Variants in NCKAP5 observed in about 807,000 individuals in gnomAD.
NCKAP5 encodes nck-associated protein 5.
Under a neutral mutation model 167.0 loss-of-function variants are expected in NCKAP5, and 92 were observed. The observed-to-expected ratio is 0.55, with a 90% CI of 0.47 to 0.66. NCKAP5 has a LOEUF of 0.66. Ranked by LOEUF, NCKAP5 falls within the 30% of genes least tolerant of loss-of-function variation. The probability of loss-of-function intolerance (pLI) is 0.00; values close to 1 mark genes in which losing one functional copy is unlikely to be tolerated. For missense variants in NCKAP5, 2,378 were observed against 2,315.0 expected, an observed-to-expected ratio of 1.03 and a Z score of -0.56; for synonymous variants, 891 against 877.4, an observed-to-expected ratio of 1.02 and a Z score of -0.27.
At chr2:133,588,573 G>A in the NCKAP5 span, among the ~76,000 whole-genome samples, 3 of 151,800 alleles carry the variant, frequency 2.0e-5, no homozygotes, top group South Asian at 2.1e-4. Context: ...TGGGAGCCAC[G>A]CACTCTTTAA....
At chr2:133,354,363 C>T (rs967773421) in intron 3 of NCKAP5, among the ~76,000 whole-genome samples, 1 of 151,082 alleles carries the variant, frequency 6.6e-6, no homozygotes, top group African/African-American at 2.4e-5. Flanking sequence ...CTCTAGCAAA[C>T]CTTCCACCTC....
chr2:133,272,928 C>T (rs555844470), intron 4 of NCKAP5, among the ~76,000 whole-genome samples: 1 of 152,212 alleles, frequency 6.6e-6, no homozygotes, highest in African/African-American at 2.4e-5. Context: ...CTTCATGCAC[C>T]ACATTTTATT....
At chr2:132,744,276 A>G (rs1679453521) in intron 16 of NCKAP5, among the ~76,000 whole-genome samples, 1 of 151,746 alleles carries the variant, frequency 6.6e-6, no homozygotes, top group Non-Finnish European at 1.5e-5. Context: ...ATCCTTCATT[A>G]TAAAAGAAGT....
chr2:133,574,307 G>A, the NCKAP5 span, among the ~76,000 whole-genome samples: 59 of 152,264 alleles, frequency 3.9e-4, no homozygotes, highest in Non-Finnish European at 7.6e-4. Flanking sequence ...AGACGACCAC[G>A]CTAGGATGTG....
At chr2:133,549,765 T>C (rs1185478055) in intron 2 of NCKAP5, among the ~76,000 whole-genome samples, 47 of 148,968 alleles carry the variant, frequency 3.2e-4, no homozygotes, top group African/African-American at 1.1e-3. Context: ...CTGAAGGAAA[T>C]AGAGACACAA....
At chr2:132,753,636 C>T (rs544013238) in intron 16 of NCKAP5, among the ~76,000 whole-genome samples, 2 of 152,336 alleles carry the variant, frequency 1.3e-5, no homozygotes, top group Non-Finnish European at 2.9e-5. Context: ...AAATGATGGA[C>T]ATCCTGGTTG....
At chr2:133,479,214 C>T (rs1269920453) in intron 3 of NCKAP5, among the ~76,000 whole-genome samples, 1 of 152,170 alleles carries the variant, frequency 6.6e-6, no homozygotes, top group Non-Finnish European at 1.5e-5. Flanking sequence ...TATAAGGCAT[C>T]ATGCCTGCAT....
chr2:133,124,146 G>A (rs1009730272), intron 6 of NCKAP5, among the ~76,000 whole-genome samples: 21 of 152,192 alleles, frequency 1.4e-4, no homozygotes, highest in Admixed American at 4.6e-4. Context: ...TGTGGATGAC[G>A]GTGCCAGGGG....
intron 3 of NCKAP5, among the ~76,000 whole-genome samples, chr2:133,411,026 A>G (rs1265187207): frequency 6.6e-6 from 1 of 152,190 alleles, no homozygotes; most frequent in African/African-American, 2.4e-5. Context: ...ATCAATATTG[A>G]GTCTCTTCTG....
chr2:132,710,501 G>A (rs1688739428), intron 19 of NCKAP5, among the ~76,000 whole-genome samples: 1 of 152,128 alleles, frequency 6.6e-6, no homozygotes. Context: ...TGAAAAGGTA[G>A]AACACTCTTC....
chr2:132,810,110 G>T (rs2105259162), intron 11 of NCKAP5, among the ~76,000 whole-genome samples: 1 of 152,280 alleles, frequency 6.6e-6, no homozygotes, highest in Non-Finnish European at 1.5e-5. Flanking sequence ...TGAAGATAGG[G>T]CCCCAATCCC....
At chr2:132,721,542 C>T (rs1689930580) in intron 19 of NCKAP5, among the ~76,000 whole-genome samples, 1 of 152,190 alleles carries the variant, frequency 6.6e-6, no homozygotes, top group South Asian at 2.1e-4. Flanking sequence ...GAAACACTGA[C>T]TCACGGGGAA....
chr2:133,576,417 T>A, the NCKAP5 span, among the ~76,000 whole-genome samples: 7 of 152,246 alleles, frequency 4.6e-5, no homozygotes, highest in African/African-American at 1.4e-4. Context: ...TTTGAAATCA[T>A]TAATTTGTTA....
At chr2:133,030,395 C>T (rs986895829) in intron 6 of NCKAP5, among the ~76,000 whole-genome samples, 5 of 152,190 alleles carry the variant, frequency 3.3e-5, no homozygotes, top group African/African-American at 1.2e-4. Context: ...CTGACCACGC[C>T]TGCTGGGCAC....
intron 3 of NCKAP5, among the ~76,000 whole-genome samples, chr2:133,508,913 T>C (rs1276212147): frequency 1.3e-5 from 2 of 152,256 alleles, no homozygotes; most frequent in African/African-American, 4.8e-5. Context: ...GTCAATAACA[T>C]AGCATTTATA....
At chr2:133,246,117 C>T (rs2087976873) in intron 4 of NCKAP5, among the ~76,000 whole-genome samples, 1 of 151,760 alleles carries the variant, frequency 6.6e-6, no homozygotes, top group African/African-American at 2.4e-5. Context: ...AGTGTGAGGA[C>T]CCAGCAATAG....
At chr2:133,036,281 C>T (rs1305789696) in intron 6 of NCKAP5, among the ~76,000 whole-genome samples, 1 of 151,868 alleles carries the variant, frequency 6.6e-6, no homozygotes, top group Non-Finnish European at 1.5e-5. Flanking sequence ...TCAAATGATT[C>T]TGAAAGATAG....
rs753123981 is a variant in NCKAP5, at chr2:132,782,703, A to G, written c.4108T>C (p.Leu1370=). ...SQHGSPSKLP[L]RIPPKSEGLL... ...CCCTCAGACTTTGGAGGGATCCTCAAAGGCAACTTACTTGGGCTCCCATGC... is the reference window on the plus strand; with the variant it reads ...CCCTCAGACTTTGGAGGGATCCTCAGAGGCAACTTACTTGGGCTCCCATGC... Residue 1370 remains leucine (L), a synonymous_variant, in exon 14 of 20, where the codon TTG becomes CTG. Coordinates refer to ENST00000409261, the MANE Select transcript of NCKAP5 (RefSeq NM_207363.3). 1.2e-5 allele frequency: 19 copies of G among 1,613,780 alleles called. No individual in the cohort carries two copies. In the African/African-American group the frequency reaches 1.6e-4, roughly 14 times the overall value.
At chr2:133,119,317 A>G (rs988027798) in intron 6 of NCKAP5, among the ~76,000 whole-genome samples, 1 of 151,930 alleles carries the variant, frequency 6.6e-6, no homozygotes, top group Non-Finnish European at 1.5e-5. Context: ...TTTTCCTTTT[A>G]ATTTGCTATA....
Sources: gnomAD v4.1 joint callset for allele counts (sites outside exome capture counted in the v4.1 genomes callset) on GRCh38, gnomAD v4.1.1 for gene constraint, MANE v1.5 for transcripts, NCBI Gene and HGNC (gene_info 2026-07-23, HGNC 2026-07-21) for gene names.